ADAM23: variants seen among roughly 807,000 people sequenced by gnomAD.
ADAM23 encodes disintegrin and metalloproteinase domain-containing protein 23.
A neutral mutation model predicts 120.1 loss-of-function variants in ADAM23; 33 were observed. The ratio of observed to expected loss-of-function variants is 0.27; its 90% CI spans 0.21 to 0.37. The LOEUF (loss-of-function observed/expected upper bound fraction) is 0.37, where lower values mean the gene tolerates loss of function less well. ADAM23 is among the 10% of genes least tolerant of loss of function. The pLI, the probability that ADAM23 is intolerant of heterozygous loss-of-function variation, is 1.00. For synonymous variants in ADAM23, 367 were observed against 375.2 expected (o/e 0.98, Z 0.25); for missense variants, 862 against 1,058.2 (o/e 0.81, Z 2.57).
intron 8 of ADAM23, among the ~76,000 whole-genome samples, chr2:206,549,243 TATG>T (rs923564185): frequency 1.3e-5 from 2 of 150,018 alleles, no homozygotes; most frequent in Non-Finnish European, 1.5e-5. Flanking sequence ...ATGAAACTCT[TATG>T]ATAATTATGG....
chr2:206,535,260 A>G (rs888475286), intron 4 of ADAM23, among the ~76,000 whole-genome samples: 4 of 152,236 alleles, frequency 2.6e-5, no homozygotes, highest in Admixed American at 1.3e-4. Context: ...GTGGGCACCA[A>G]TTCATACCTA....
chr2:206,483,763 CCGGTGGT>C (rs1162095356), intron 3 of ADAM23, among the ~76,000 whole-genome samples: 1 of 151,968 alleles, frequency 6.6e-6, no homozygotes. Context: ...TGAGCAGTCA[CCGGTGGT>C]TGGAAAGCAG....
intron 25 of ADAM23, among the ~76,000 whole-genome samples, chr2:206,612,302 G>A (rs1363501304): frequency 6.6e-6 from 1 of 152,192 alleles, no homozygotes. Flanking sequence ...CACTTGGACA[G>A]TTCTGGAGAT....
chr2:206,588,199 C>T (rs1387968521), intron 20 of ADAM23, 45 bp downstream of exon 20: 1 of 1,593,956 alleles, frequency 6.3e-7, no homozygotes, highest in Admixed American at 1.7e-5. Context: ...ACCATTTTCT[C>T]TTAATAGTGT....
intron 2 of ADAM23, among the ~76,000 whole-genome samples, chr2:206,452,161 A>G (rs1695207860): frequency 6.6e-6 from 1 of 152,208 alleles, no homozygotes; most frequent in African/African-American, 2.4e-5. Flanking sequence ...CATGCTGTTT[A>G]CTGCAGTGCC....
At chr2:206,486,851 C>A (rs1416874920) in intron 3 of ADAM23, among the ~76,000 whole-genome samples, 1 of 152,112 alleles carries the variant, frequency 6.6e-6, no homozygotes, top group Non-Finnish European at 1.5e-5. Context: ...TTTCATCATC[C>A]CCAAGAAACC....
intron 4 of ADAM23, among the ~76,000 whole-genome samples, chr2:206,535,515 A>G (rs1479241628): frequency 6.6e-6 from 1 of 152,248 alleles, no homozygotes; most frequent in Non-Finnish European, 1.5e-5. Flanking sequence ...ATAAATGTTC[A>G]TAACATTATT....
chr2:206,596,233 C>T (rs951898357), intron 24 of ADAM23, 71 bp downstream of exon 24: 17 of 1,171,238 alleles, frequency 1.5e-5, no homozygotes, highest in Non-Finnish European at 2.1e-5. Context: ...ACCAGTATAA[C>T]ATTCTAATTG....
At chr2:206,541,072 A>G (rs1214242624) in intron 4 of ADAM23, among the ~76,000 whole-genome samples, 1 of 151,552 alleles carries the variant, frequency 6.6e-6, no homozygotes, top group Non-Finnish European at 1.5e-5. Context: ...AGGCTGAGGC[A>G]GGAGAATCTC....
intron 18 of ADAM23, among the ~76,000 whole-genome samples, chr2:206,578,710 G>A (rs564393689): frequency 2.8e-4 from 42 of 152,238 alleles, no homozygotes; most frequent in African/African-American, 3.6e-4. Flanking sequence ...ACATCTGTGC[G>A]CAAGTATCTT....
intron 4 of ADAM23, among the ~76,000 whole-genome samples, chr2:206,538,832 A>T (rs144636406): frequency 2.0e-5 from 3 of 152,078 alleles, no homozygotes; most frequent in Admixed American, 1.3e-4. Context: ...GCTGGTCTCA[A>T]ACTCCTCCTG....
intron 3 of ADAM23, among the ~76,000 whole-genome samples, chr2:206,526,151 C>G (rs75801873): frequency 5.3e-5 from 7 of 132,424 alleles, no homozygotes; most frequent in Admixed American, 7.7e-5. Flanking sequence ...TACACACACA[C>G]ACACACACAC....
At chr2:206,464,404 G>A (rs768725098) in intron 2 of ADAM23, among the ~76,000 whole-genome samples, 22 of 151,892 alleles carry the variant, frequency 1.4e-4, no homozygotes, top group Non-Finnish European at 2.1e-4. Flanking sequence ...GCAAAACCCC[G>A]TCTCTATTAA....
chr2:206,570,241 T>A (rs1255185709), intron 15 of ADAM23, among the ~76,000 whole-genome samples: 1 of 152,210 alleles, frequency 6.6e-6, no homozygotes, highest in Non-Finnish European at 1.5e-5. Context: ...TGGTCTTGGA[T>A]TTCTAGCAAC....
chr2:206,477,282 G>T (rs1057042693), intron 2 of ADAM23, among the ~76,000 whole-genome samples: 1 of 152,168 alleles, frequency 6.6e-6, no homozygotes, highest in Non-Finnish European at 1.5e-5. Context: ...TTGCTAAGAC[G>T]TGTAAACTGT....
intron 2 of ADAM23, among the ~76,000 whole-genome samples, chr2:206,447,552 TTTAC>T (rs1695107103): frequency 6.6e-6 from 1 of 152,164 alleles, no homozygotes; most frequent in South Asian, 2.1e-4. Context: ...TGACCTCCCT[TTTAC>T]TTCTGTTTTT....
At chr2:206,574,365 A>G (rs1698069525) in intron 18 of ADAM23, among the ~76,000 whole-genome samples, 1 of 144,586 alleles carries the variant, frequency 6.9e-6, no homozygotes, top group Admixed American at 6.8e-5. Context: ...CTAGCTCTTT[A>G]CCATACCTTT....
At chr2:206,468,729 G>C (rs537763150) in intron 2 of ADAM23, among the ~76,000 whole-genome samples, 48 of 152,078 alleles carry the variant, frequency 3.2e-4, no homozygotes, top group African/African-American at 9.9e-4. Context: ...CCTCACTCTT[G>C]GTACCAATTT....
chr2:206,459,432 T>A (rs562478284), intron 2 of ADAM23, among the ~76,000 whole-genome samples: 1 of 152,378 alleles, frequency 6.6e-6, no homozygotes, highest in African/African-American at 2.4e-5. Flanking sequence ...ATAGTATATT[T>A]ATGAATTATC....
Sources: allele counts gnomAD v4.1 joint callset (sites outside exome capture counted in the v4.1 genomes callset), GRCh38; gene constraint gnomAD v4.1.1; transcripts MANE v1.5; gene names NCBI Gene and HGNC (gene_info 2026-07-23, HGNC 2026-07-21).